MYO1B: variants seen among roughly 807,000 people sequenced by gnomAD.
The protein encoded by MYO1B is myosin IB.
A neutral mutation model predicts 159.7 loss-of-function variants in MYO1B; 72 were observed. The ratio of observed to expected loss-of-function variants is 0.45; its 90% CI spans 0.37 to 0.55. The LOEUF (loss-of-function observed/expected upper bound fraction) is 0.55. Ranked by LOEUF, MYO1B falls within the 20% of genes least tolerant of loss-of-function variation. MYO1B has a pLI of 0.00. For missense variants in MYO1B, 1,062 were observed against 1,364.8 expected (o/e 0.78, Z 3.50); for synonymous variants, 468 against 473.8 (o/e 0.99, Z 0.16).
At position 191,402,293 on chromosome 2, in the gene MYO1B, G is replaced by A. The variant is rs376378806; in HGVS notation, c.2470-339G>A. On this transcript the variant is annotated intron_variant, in intron 23 of 30. Coordinates refer to ENST00000392318, the MANE Select transcript of MYO1B (RefSeq NM_001130158.3). Reference sequence around the variant, plus strand: ...TTAGGGCTGTTACTCAGAGTTTGAAGGCTTTGATATGGGAGTGAAAGAGTG... The same window carrying A: ...TTAGGGCTGTTACTCAGAGTTTGAAAGCTTTGATATGGGAGTGAAAGAGTG... 44 of 309,354 alleles carry A rather than the reference G, an allele frequency of 1.4e-4. 1 individual carries two copies. The South Asian group carries it at 1.4e-3, about 10-fold the overall frequency. The allele number at this position is 309,354 out of a possible 1,614,324, so 19.2% of individuals were successfully genotyped here. A position where few individuals can be genotyped will look rare whatever the true frequency, so the allele number is the denominator to read the frequency against.
chr2:191,408,878 A>G (rs1697090279), intron 25 of MYO1B, among the ~76,000 whole-genome samples, 166 bp from the exon 26 acceptor site: 2 of 152,184 alleles, frequency 1.3e-5, no homozygotes, highest in South Asian at 4.1e-4. Flanking sequence ...TTCCCCAACC[A>G]GTATGAAAGA....
At chr2:191,358,906 C>T (rs1693477673) in intron 7 of MYO1B, among the ~76,000 whole-genome samples, 1 of 152,230 alleles carries the variant, frequency 6.6e-6, no homozygotes. Context: ...AACTTCTTCC[C>T]AAATCGCTGG....
chr2:191,333,016 C>G (rs1289734143), intron 4 of MYO1B, among the ~76,000 whole-genome samples: 1 of 152,196 alleles, frequency 6.6e-6, no homozygotes, highest in East Asian at 1.9e-4. Flanking sequence ...AAGGAGCCAG[C>G]CTCCTGTCTT....
intron 1 of MYO1B, among the ~76,000 whole-genome samples, chr2:191,250,695 T>C (rs1008968629): frequency 1.3e-5 from 2 of 152,210 alleles, no homozygotes; most frequent in Admixed American, 1.3e-4. Context: ...GTAGGTTGAT[T>C]TCCTTCTCAT....
chr2:191,362,016 T>G (rs1175520598), intron 8 of MYO1B, among the ~76,000 whole-genome samples: 1 of 152,124 alleles, frequency 6.6e-6, no homozygotes, highest in Non-Finnish European at 1.5e-5. Context: ...ACATTGAAGG[T>G]ATTTTTTATT....
chr2:191,316,528 G>A (rs1459632606), intron 3 of MYO1B, among the ~76,000 whole-genome samples: 1 of 152,158 alleles, frequency 6.6e-6, no homozygotes, highest in Non-Finnish European at 1.5e-5. Context: ...GTATGTGTGT[G>A]TTTTAACCTT....
At chr2:191,417,934 G>C (rs1212365617) in intron 30 of MYO1B, among the ~76,000 whole-genome samples, 1 of 152,190 alleles carries the variant, frequency 6.6e-6, no homozygotes, top group African/African-American at 2.4e-5. Flanking sequence ...GTTCGCTTCT[G>C]GGCAGCAAGG....
In MYO1B at chr2:191,390,616, G is replaced by C. The variant is rs1418423460; in HGVS notation, c.1982+124G>C. The C allele has an allele frequency of 4.4e-6, 5 of 1,133,386 alleles. No individual in the cohort carries two copies. In the East Asian group the frequency reaches 1.3e-4, roughly 29 times the overall value. 70.2% of individuals were successfully genotyped at this position (1,133,386 alleles called of 1,614,324 possible). A position where few individuals can be genotyped will look rare whatever the true frequency, so the allele number is the denominator to read the frequency against. On this transcript the variant is annotated intron_variant, in intron 18 of 30. Coordinates refer to ENST00000392318, the MANE Select transcript of MYO1B (RefSeq NM_001130158.3). ...AAAACTGGATGTAACCTCTGTTTTG[G>C]ACCTTCTTCCATTAGGATACCATTT...
At chr2:191,411,680 A>T (rs1377490197) in intron 27 of MYO1B, among the ~76,000 whole-genome samples, 1 of 152,188 alleles carries the variant, frequency 6.6e-6, no homozygotes, top group Non-Finnish European at 1.5e-5. Context: ...TGCTAACTCA[A>T]CGGATATGAC....
chr2:191,386,130 C>T (rs1429574681), intron 16 of MYO1B, 46 bp downstream of exon 16: 6 of 1,589,106 alleles, frequency 3.8e-6, no homozygotes, highest in Non-Finnish European at 5.2e-6. Flanking sequence ...CAAGTTACCC[C>T]TGCAAGGAGG....
At chr2:191,257,384 T>G (rs1308226578) in intron 1 of MYO1B, among the ~76,000 whole-genome samples, 1 of 152,220 alleles carries the variant, frequency 6.6e-6, no homozygotes, top group African/African-American at 2.4e-5. Context: ...TTGCCTATTT[T>G]GCATAGGGTT....
Position 191,411,169 on chromosome 2 carries a change from C to A in MYO1B, c.2870C>A (p.Ser957Tyr). The A allele has an allele frequency of 1.3e-6, 2 of 1,571,226 alleles. No homozygotes were observed. The highest frequency in any genetic ancestry group is 8.7e-7 in the Non-Finnish European group (1 of 1,154,574). Residue 957 changes from serine (S) to tyrosine (Y), a missense_variant, in exon 27 of 31, where the codon TCT becomes TAT. Ser to Tyr is a moderately radical substitution (Grantham distance 144). Coordinates refer to ENST00000392318, the MANE Select transcript of MYO1B (RefSeq NM_001130158.3). ...AAAGACAAGAAGGCTTTATACCCAT[C>A]TAGGTATTATGGCTTTGCTTTACCC... ...LFKDKKALYP[S>Y]SVGQPFQGAY...
intron 1 of MYO1B, among the ~76,000 whole-genome samples, chr2:191,273,694 A>T (rs1268307542): frequency 6.6e-6 from 1 of 152,226 alleles, no homozygotes; most frequent in Non-Finnish European, 1.5e-5. Context: ...TGGTACCCAG[A>T]ACAGCATGGA....
Position 191,296,232 on chromosome 2 carries a change from TAC to T in MYO1B, c.251+7_251+8del, listed in dbSNP as rs1688974260. The T allele has an allele frequency of 1.3e-6, 2 of 1,551,674 alleles. No homozygotes were observed. Among genetic ancestry groups the T allele is most frequent in the South Asian group, 2.3e-5 (2 of 88,324 alleles). ...TATGAACTGAGCCCTCACATGTAAG[TAC>T]TGTACTAAAGCATTAAGTTTCTCTT... On this transcript the variant is annotated splice_region_variant and intron_variant, in intron 3 of 30. Coordinates refer to ENST00000392318, the MANE Select transcript of MYO1B (RefSeq NM_001130158.3).
chr2:191,255,192 G>T (rs72912423), intron 1 of MYO1B, among the ~76,000 whole-genome samples: 5,181 of 152,260 alleles, frequency 0.034, 123 homozygotes, highest in Middle Eastern at 0.058. Context: ...GCCTCTTGAA[G>T]TGTTAGGATT....
At chr2:191,384,115 A>G (rs976036900) in intron 15 of MYO1B, among the ~76,000 whole-genome samples, 1 of 152,226 alleles carries the variant, frequency 6.6e-6, no homozygotes, top group African/African-American at 2.4e-5. Flanking sequence ...AATTTCGAGT[A>G]AGCTTTCTGA....
intron 1 of MYO1B, among the ~76,000 whole-genome samples, chr2:191,272,683 C>A (rs1478009025): frequency 6.6e-6 from 1 of 152,176 alleles, no homozygotes; most frequent in Non-Finnish European, 1.5e-5. Flanking sequence ...CTTGTAAATC[C>A]TTAAGAAATA....
chr2:191,294,063 G>A (rs763720716), intron 2 of MYO1B, among the ~76,000 whole-genome samples: 1 of 152,132 alleles, frequency 6.6e-6, no homozygotes, highest in Admixed American at 6.5e-5. Context: ...ACATCATGGT[G>A]GGCCAGACAC....
In MYO1B at chr2:191,419,863, A is replaced by G. The variant is rs114648972; in HGVS notation, c.3287+3621A>G. On this transcript the variant is annotated intron_variant, in intron 30 of 30. Transcript: ENST00000392318. ...GGTTATAAAGAAAATATTTTTGTAC[A>G]GCTATACAAAGTATTGTGTTTTAAG... Among the ~76,000 whole-genome samples the G allele has an allele frequency of 4.2e-3, 638 of 152,334 alleles. 2 individuals are homozygous for G. Among genetic ancestry groups the G allele is most frequent in the Non-Finnish European group, 5.1e-3 (344 of 68,024 alleles).
Sources: gnomAD v4.1 joint callset for allele counts (sites outside exome capture counted in the v4.1 genomes callset) on GRCh38, gnomAD v4.1.1 for gene constraint, MANE v1.5 for transcripts, NCBI Gene and HGNC (gene_info 2026-07-23, HGNC 2026-07-21) for gene names.